The following C1QTNF7 variants were observed in gnomAD, a reference collection of about 807,000 sequenced individuals.
C1QTNF7 encodes the protein C1q and TNF related 7.
In C1QTNF7, 15 loss-of-function variants were observed where a neutral mutation model predicts 19.6. The observed-to-expected ratio is 0.76, with a 90% CI of 0.51 to 1.18. The LOEUF is 1.18. Ranked by LOEUF, C1QTNF7 falls within the 50% of genes most tolerant of loss-of-function variation. C1QTNF7 has a pLI of 0.00. For synonymous variants in C1QTNF7, 142 were observed against 137.5 expected (o/e 1.03, Z -0.23); for missense variants, 324 against 359.7 (o/e 0.90, Z 0.80).
At chr4:15,412,560 A>G (rs967047704) in intron 1 of C1QTNF7, among the ~76,000 whole-genome samples, 1 of 152,160 alleles carries the variant, frequency 6.6e-6, no homozygotes, top group Non-Finnish European at 1.5e-5. Context: ...TGTTGTGATT[A>G]CAGCACAGGG....
At chr4:15,362,901 T>C (rs1468077956) in intron 1 of C1QTNF7, among the ~76,000 whole-genome samples, 1 of 152,182 alleles carries the variant, frequency 6.6e-6, no homozygotes, top group Non-Finnish European at 1.5e-5. Flanking sequence ...ATCAATACTA[T>C]AAGTAAGTAT....
intron 1 of C1QTNF7, among the ~76,000 whole-genome samples, chr4:15,403,756 T>C (rs1244505709): frequency 6.6e-6 from 1 of 152,230 alleles, no homozygotes; most frequent in East Asian, 1.9e-4. Flanking sequence ...GTGTGATTTC[T>C]GAATGGTGTA....
intron 1 of C1QTNF7, among the ~76,000 whole-genome samples, chr4:15,431,780 C>T (rs1456509035): frequency 2.6e-5 from 4 of 152,132 alleles, no homozygotes; most frequent in Non-Finnish European, 4.4e-5. Context: ...ACATCAATGA[C>T]TTCAACAAAG....
intron 1 of C1QTNF7, among the ~76,000 whole-genome samples, chr4:15,400,160 A>C (rs1395629469): frequency 1.3e-5 from 2 of 152,240 alleles, no homozygotes; most frequent in East Asian, 3.8e-4. Context: ...TCAGAGATGC[A>C]AGGTTTTATT....
chr4:15,384,909 T>C lies in C1QTNF7; in HGVS notation c.13+44702T>C, dbSNP rs770816373. 4.9e-4 allele frequency among the ~76,000 whole-genome samples: 74 copies of C among 152,042 alleles called. 1 individual carries two copies. The highest frequency in any genetic ancestry group is 1.5e-3 in the Admixed American group (23 of 15,270). On this transcript the variant is annotated intron_variant, in intron 1 of 2. Coordinates refer to the C1QTNF7 transcript ENST00000295297. ...GCCCTATCAGCCCTCACCAGCACCATAGCAGGGAGAAGCAAGAGCAGGATT... is the reference window on the plus strand; with the variant it reads ...GCCCTATCAGCCCTCACCAGCACCACAGCAGGGAGAAGCAAGAGCAGGATT...
chr4:15,396,973 C>T (rs1280930992), intron 1 of C1QTNF7, among the ~76,000 whole-genome samples: 3 of 152,170 alleles, frequency 2.0e-5, no homozygotes, highest in Non-Finnish European at 2.9e-5. Flanking sequence ...TACAGTTCTA[C>T]GTGCCTGGGG....
At chr4:15,360,474 C>G (rs1717299275) in intron 1 of C1QTNF7, among the ~76,000 whole-genome samples, 1 of 152,148 alleles carries the variant, frequency 6.6e-6, no homozygotes, top group South Asian at 2.1e-4. Context: ...GCCAACATCG[C>G]TGTAACTCAT....
intron 1 of C1QTNF7, among the ~76,000 whole-genome samples, chr4:15,349,830 C>T (rs1444397526): frequency 6.6e-6 from 1 of 152,094 alleles, no homozygotes; most frequent in Non-Finnish European, 1.5e-5. Context: ...CACTCAAATC[C>T]TATTTAGAAA....
At chr4:15,416,203 T>G (rs1032440377) in intron 1 of C1QTNF7, among the ~76,000 whole-genome samples, 3 of 152,246 alleles carry the variant, frequency 2.0e-5, no homozygotes, top group African/African-American at 7.2e-5. Context: ...TTTTAATTTT[T>G]TGCATCTTTA....
At chr4:15,355,671 A>G (rs548706353) in intron 1 of C1QTNF7, among the ~76,000 whole-genome samples, 9 of 152,094 alleles carry the variant, frequency 5.9e-5, no homozygotes, top group Non-Finnish European at 8.8e-5. Context: ...GAGCCCACCA[A>G]TCAGAAAGAG....
At chr4:15,387,321 T>C (rs1718376300) in intron 1 of C1QTNF7, among the ~76,000 whole-genome samples, 1 of 152,070 alleles carries the variant, frequency 6.6e-6, no homozygotes, top group South Asian at 2.1e-4. Flanking sequence ...AGCAGGTAGC[T>C]GAATGTGAGT....
intron 1 of C1QTNF7, among the ~76,000 whole-genome samples, chr4:15,433,333 G>A (rs1370094825): frequency 6.6e-6 from 1 of 151,938 alleles, no homozygotes; most frequent in South Asian, 2.1e-4. Flanking sequence ...TTTCTGGGGA[G>A]GGGGGTGACT....
chr4:15,403,664 C>G (rs913907996), intron 1 of C1QTNF7, among the ~76,000 whole-genome samples: 1 of 152,138 alleles, frequency 6.6e-6, no homozygotes, highest in Non-Finnish European at 1.5e-5. Flanking sequence ...TCTACATAAA[C>G]CCTATTTCAA....
intron 2 of C1QTNF7, among the ~76,000 whole-genome samples, chr4:15,437,510 A>G (rs572976199): frequency 1.3e-5 from 2 of 152,324 alleles, no homozygotes; most frequent in Admixed American, 1.3e-4. Context: ...AATAAACTAG[A>G]CATTGGTAAT....
intron 1 of C1QTNF7, among the ~76,000 whole-genome samples, chr4:15,418,789 A>C (rs1275385274): frequency 6.6e-6 from 1 of 152,136 alleles, no homozygotes; most frequent in Non-Finnish European, 1.5e-5. Flanking sequence ...AATGCAAAGA[A>C]TAATAACAGT....
At chr4:15,349,066 A>G (rs562739712) in intron 1 of C1QTNF7, among the ~76,000 whole-genome samples, 1 of 152,330 alleles carries the variant, frequency 6.6e-6, no homozygotes, top group African/African-American at 2.4e-5. Flanking sequence ...TAGAAGTGAC[A>G]CATACATAAA....
chr4:15,362,819 G>A (rs771627461), intron 1 of C1QTNF7, among the ~76,000 whole-genome samples: 28 of 152,308 alleles, frequency 1.8e-4, no homozygotes, highest in Admixed American at 6.5e-5. Flanking sequence ...CTTTTCAGTA[G>A]TAACAAAAGC....
At chr4:15,379,929 C>T (rs1261764805) in intron 1 of C1QTNF7, among the ~76,000 whole-genome samples, 1 of 152,200 alleles carries the variant, frequency 6.6e-6, no homozygotes, top group Non-Finnish European at 1.5e-5. Context: ...CTGTCCTATT[C>T]TTCTTCCCCT....
chr4:15,371,091 C>T (rs2109306344), intron 1 of C1QTNF7, among the ~76,000 whole-genome samples: 1 of 152,342 alleles, frequency 6.6e-6, no homozygotes, highest in South Asian at 2.1e-4. Context: ...TAGGAAGAGA[C>T]TGAGGCTGTT....
Sources: gnomAD v4.1 joint callset for allele counts (sites outside exome capture counted in the v4.1 genomes callset) on GRCh38, gnomAD v4.1.1 for gene constraint, MANE v1.5 for transcripts, NCBI Gene and HGNC (gene_info 2026-07-23, HGNC 2026-07-21) for gene names.